SLC35E2B: variants seen among roughly 807,000 people sequenced by gnomAD.
SLC35E2B encodes solute carrier family 35, member E2B.
A neutral mutation model predicts 32.4 loss-of-function variants in SLC35E2B; 18 were observed. The observed-to-expected ratio is 0.56, with a 90% CI of 0.38 to 0.82. The LOEUF (loss-of-function observed/expected upper bound fraction) is 0.82, where lower values mean the gene tolerates loss of function less well. Among genes scored for constraint, SLC35E2B ranks in the 40% least tolerant of loss-of-function variants. The probability of loss-of-function intolerance (pLI) is 0.00; values close to 1 mark genes in which losing one functional copy is unlikely to be tolerated. For missense variants in SLC35E2B, 263 were observed against 469.5 expected (o/e 0.56, Z 4.06); for synonymous variants, 132 against 209.1 (o/e 0.63, Z 3.18).
intron 2 of SLC35E2B, among the ~76,000 whole-genome samples, chr1:1,689,979 C>G (rs1643999438): frequency 7.0e-6 from 1 of 142,058 alleles, no homozygotes; most frequent in South Asian, 2.2e-4. Context: ...AGGGTGAGAC[C>G]CTGTCTCAAA....
rs756496466 is a variant in SLC35E2B, at chr1:1,675,454, G to A, written c.586+9C>T. 1.8e-4 allele frequency: 290 copies of A among 1,612,122 alleles called. 1 individual carries two copies. The highest frequency in any genetic ancestry group is 2.2e-4 in the Non-Finnish European group (257 of 1,179,494). On this transcript the variant is annotated intron_variant, in intron 5 of 9. Coordinates refer to ENST00000617444, the MANE Select transcript of SLC35E2B (RefSeq NM_001290264.2). Reference sequence around the variant, plus strand: ...GCGCAGGCGGAGGGGCGGGGCCCGGGGGCCTCACCTGTGTACTCCCCCAGA... The same window carrying A: ...GCGCAGGCGGAGGGGCGGGGCCCGGAGGCCTCACCTGTGTACTCCCCCAGA...
chr1:1,687,595 C>T (rs1570347764), intron 2 of SLC35E2B, among the ~76,000 whole-genome samples: 2 of 152,144 alleles, frequency 1.3e-5, no homozygotes, highest in South Asian at 4.2e-4. Context: ...ATTAGCCAGA[C>T]ATGGTGGCAG....
At chr1:1,690,600 G>C (rs1319265594) in intron 2 of SLC35E2B, among the ~76,000 whole-genome samples, 1 of 123,712 alleles carries the variant, frequency 8.1e-6, no homozygotes, top group African/African-American at 3.1e-5. Context: ...TTAGCCAGGC[G>C]TGGTGGCAGG....
At chr1:1,687,312 C>A (rs1643963834) in intron 2 of SLC35E2B, among the ~76,000 whole-genome samples, 1 of 152,186 alleles carries the variant, frequency 6.6e-6, no homozygotes, top group Non-Finnish European at 1.5e-5. Context: ...CGCAATGGCT[C>A]ACGCCTGTAA....
At chr1:1,683,437 T>C (rs1272452436) in intron 2 of SLC35E2B, among the ~76,000 whole-genome samples, 1 of 152,140 alleles carries the variant, frequency 6.6e-6, no homozygotes, top group Non-Finnish European at 1.5e-5. Flanking sequence ...AGAAAGCACT[T>C]ACGTTAAAAG....
Position 1,665,742 on chromosome 1 carries a change from C to G in SLC35E2B, c.*40G>C. ...CGTCCCTGCCCATTTCTGGGGGATG[C>G]AGTGTCACGAGGACAGCAGCAGCTG... On this transcript the variant is annotated 3_prime_UTR_variant, in exon 10 of 10. Transcript: ENST00000617444. 1.3e-6 allele frequency: 2 copies of G among 1,541,968 alleles called. No homozygotes were observed. The highest frequency in any genetic ancestry group is 1.8e-6 in the Non-Finnish European group (2 of 1,140,780).
In SLC35E2B at chr1:1,689,169, C is replaced by A. The variant is rs577762566; in HGVS notation, c.-148+1807G>T. ...CCTGGCTGACAGAGCGAGACTGTCT[C>A]AAAAAAAAACAAACAAACAGGTCTG... On this transcript the variant is annotated intron_variant, in intron 2 of 9. Transcript: ENST00000617444. Among the ~76,000 whole-genome samples the A allele has an allele frequency of 7.0e-4, 105 of 149,546 alleles. 2 individuals carry two copies. The South Asian group carries it at 0.022, about 32-fold the overall frequency.
chr1:1,671,644 G>A lies in SLC35E2B; in HGVS notation c.587-15C>T. The A allele has an allele frequency of 6.6e-7, 1 of 1,518,170 alleles. No homozygotes were observed. Among genetic ancestry groups the A allele is most frequent in the Non-Finnish European group, 8.9e-7 (1 of 1,128,318 alleles). The allele number at this position is 1,518,170 out of a possible 1,614,324, so 94.0% of individuals were successfully genotyped here. A position where few individuals can be genotyped will look rare whatever the true frequency, so the allele number is the denominator to read the frequency against. On this transcript the variant is annotated splice_polypyrimidine_tract_variant and intron_variant, in intron 5 of 9. Coordinates refer to ENST00000617444, the MANE Select transcript of SLC35E2B (RefSeq NM_001290264.2). Reference sequence around the variant, plus strand: ...GACCAGCAGCCCTGGCGAGAGGACAGCCCCTGTGAGTGGCTGACCCGCCGG... The same window carrying A: ...GACCAGCAGCCCTGGCGAGAGGACAACCCCTGTGAGTGGCTGACCCGCCGG...
In SLC35E2B at chr1:1,682,695, C is replaced by T. The variant is rs927756078; in HGVS notation, c.-147-5849G>A. ...AACAGCACCTTCAGGTGCTGGAACC[C>T]AGCTGAGCAGCCAGGGGGTTCCGGG... On this transcript the variant is annotated intron_variant, in intron 2 of 9. Transcript: ENST00000617444. 2.6e-4 allele frequency among the ~76,000 whole-genome samples: 40 copies of T among 152,092 alleles called. 1 individual carries two copies. Among genetic ancestry groups the T allele is most frequent in the Non-Finnish European group, 1.6e-4 (11 of 68,008 alleles).
intron 9 of SLC35E2B, among the ~76,000 whole-genome samples, chr1:1,666,663 G>T (rs1643553316): frequency 6.6e-6 from 1 of 151,586 alleles, no homozygotes; most frequent in South Asian, 2.1e-4. Context: ...TAGGCGTGGG[G>T]GCTCATGTCT....
chr1:1,666,073 C>T (rs1570307728), intron 9 of SLC35E2B, 54 bp from the exon 10 acceptor site: 2 of 1,509,050 alleles, frequency 1.3e-6, no homozygotes, highest in Non-Finnish European at 1.8e-6. Flanking sequence ...TCTCCTCAGC[C>T]CGTGGCCAGC....
rs1301100554 is a variant in SLC35E2B at position 1,664,314 on chromosome 1, G to C, written c.*1468C>G. 1 of 914,818 alleles carries C rather than the reference G, an allele frequency of 1.1e-6. No individual in the cohort carries two copies. The highest frequency in any genetic ancestry group is 1.3e-6 in the Non-Finnish European group (1 of 765,256). The allele number at this position is 914,818 out of a possible 1,614,324, so 56.7% of individuals were successfully genotyped here. ...CTGTTTCTGAATGATTTTATCTTCA[G>C]GAGGGGCTATTTTTGTATTTCCCAG... On this transcript the variant is annotated 3_prime_UTR_variant, in exon 10 of 10. Coordinates refer to ENST00000617444, the MANE Select transcript of SLC35E2B (RefSeq NM_001290264.2).
Position 1,679,830 on chromosome 1 carries a change from CAA to C in SLC35E2B, c.-147-2986_-147-2985del, listed in dbSNP as rs763458628. ...CTGAGCAACAGAGCGAGACTCCCGT[CAA>C]AAAAAAAAAAAAAAAAAATGCTGGG... On this transcript the variant is annotated intron_variant, in intron 2 of 9. Coordinates refer to ENST00000617444, the MANE Select transcript of SLC35E2B (RefSeq NM_001290264.2). Among the ~76,000 whole-genome samples, 60 of 70,688 alleles carry C rather than the reference CAA, an allele frequency of 8.5e-4. No homozygotes were observed. In the East Asian group the frequency reaches 9.2e-3, roughly 11 times the overall value. 46.4% of individuals were successfully genotyped at this position (70,688 alleles called of 152,430 possible).
At chr1:1,685,506 T>C (rs763323660) in intron 2 of SLC35E2B, among the ~76,000 whole-genome samples, 1 of 146,834 alleles carries the variant, frequency 6.8e-6, no homozygotes, top group Non-Finnish European at 1.5e-5. Context: ...CAGGCAGGAG[T>C]GCAGTGCAGT....
intron 5 of SLC35E2B, 148 bp from the exon 6 acceptor site, chr1:1,671,777 G>A (rs1643699910): frequency 1.1e-6 from 1 of 948,656 alleles, no homozygotes; most frequent in Admixed American, 3.7e-5. Flanking sequence ...CACATTGTGA[G>A]ATAAAGCAAA....
At chr1:1,682,717 C>T (rs74045934) in intron 2 of SLC35E2B, among the ~76,000 whole-genome samples, 11,583 of 152,016 alleles carry the variant, frequency 0.076, 1,446 homozygotes, top group African/African-American at 0.26. Context: ...CAGGGGGTTC[C>T]GGGGTCCTCC....
intron 2 of SLC35E2B, among the ~76,000 whole-genome samples, chr1:1,679,161 G>A (rs1643878789): frequency 6.6e-6 from 1 of 152,140 alleles, no homozygotes; most frequent in Non-Finnish European, 1.5e-5. Context: ...TCATTTACAT[G>A]GCAAGGAGGC....
rs745905266 is a variant in SLC35E2B at position 1,665,838 on chromosome 1, C to A, written c.1162G>T (p.Ala388Ser). 5.9e-5 allele frequency: 92 copies of A among 1,550,900 alleles called. 1 individual carries two copies. The highest frequency in any genetic ancestry group is 7.8e-5 in the Non-Finnish European group (89 of 1,147,002). ...LQSLAAATGRAPDDTVEPLLP... is the reference protein window; with the variant it reads ...LQSLAAATGRSPDDTVEPLLP... ...AGCGGCTCCACTGTGTCGTCTGGGG[C>A]CCGGCCAGTGGCTGCAGCCAGGCTC... The change falls in exon 10 of 10, where the codon GCC becomes TCC. Residue 388 changes from alanine to serine, a missense_variant. This residue lies in a region of SLC35E2B where 78 missense variants were observed against 71.1 expected (regional missense o/e 1.10). Coordinates refer to ENST00000617444, the MANE Select transcript of SLC35E2B (RefSeq NM_001290264.2).
At chr1:1,688,276 CACG>C (rs752048345) in intron 2 of SLC35E2B, among the ~76,000 whole-genome samples, 132 of 152,232 alleles carry the variant, frequency 8.7e-4, no homozygotes, top group African/African-American at 2.5e-3. Flanking sequence ...TCATCACAAT[CACG>C]ACGAGTCACC....
Sources: gnomAD v4.1 joint callset for allele counts (sites outside exome capture counted in the v4.1 genomes callset) on GRCh38, gnomAD v4.1.1 for gene constraint, gnomAD v4.1.1 regional missense constraint, MANE v1.5 for transcripts, NCBI Gene and HGNC (gene_info 2026-07-23, HGNC 2026-07-21) for gene names.